The following ACOXL variants were observed in gnomAD, a reference collection of about 807,000 sequenced individuals.
ACOXL encodes acyl-coenzyme A oxidase-like protein.
Under a neutral mutation model 71.9 loss-of-function variants are expected in ACOXL, and 70 were observed. The ratio of observed to expected loss-of-function variants is 0.97; its 90% CI spans 0.80 to 1.19. ACOXL has a LOEUF of 1.19. Ranked by LOEUF, ACOXL falls within the 50% of genes most tolerant of loss-of-function variation. The pLI is 0.00. For synonymous variants in ACOXL, 253 were observed against 281.6 expected (o/e 0.90, Z 1.02); for missense variants, 703 against 736.3 (o/e 0.95, Z 0.52).
intron 12 of ACOXL, among the ~76,000 whole-genome samples, chr2:110,980,768 C>G: frequency 6.6e-6 from 1 of 152,206 alleles, no homozygotes; most frequent in Non-Finnish European, 1.5e-5. Context: ...TACACCCTGG[C>G]CGCCCAGGCT....
chr2:110,957,138 A>T (rs2061531062), intron 12 of ACOXL, among the ~76,000 whole-genome samples: 1 of 151,398 alleles, frequency 6.6e-6, no homozygotes, highest in African/African-American at 2.4e-5. Flanking sequence ...TTTTCGGATG[A>T]ATCTGTTTTT....
chr2:110,773,712 T>C (rs1486795586), intron 2 of ACOXL, among the ~76,000 whole-genome samples: 2 of 152,212 alleles, frequency 1.3e-5, no homozygotes, highest in Non-Finnish European at 2.9e-5. Context: ...TGGCTCTTAG[T>C]CCTATATACT....
In ACOXL at chr2:110,868,876, C is replaced by A. The variant is rs75024163; in HGVS notation, c.788+27471C>A. Among the ~76,000 whole-genome samples, 17 of 152,324 alleles carry A rather than the reference C, an allele frequency of 1.1e-4. No homozygotes were observed. In the East Asian group the frequency reaches 3.3e-3, roughly 29 times the overall value. The stretch of plus-strand genomic sequence containing the variant: ...AATGTGTTGGGATTGCAGGCGTGAG[C>A]CACTGCTTCCAGCCTGGAGTTTCTT... On this transcript the variant is annotated intron_variant, in intron 10 of 17. Transcript: ENST00000439055.
At chr2:111,076,124 G>GT (rs1378191931) in intron 16 of ACOXL, among the ~76,000 whole-genome samples, 1 of 152,046 alleles carries the variant, frequency 6.6e-6, no homozygotes, top group East Asian at 1.9e-4. Context: ...TATCCTTGCT[G>GT]ATCTTCTGTC....
At chr2:110,986,979 T>G in intron 12 of ACOXL, 129 bp from the exon 13 acceptor site, 6 of 734,044 alleles carry the variant, frequency 8.2e-6, no homozygotes, top group Non-Finnish European at 1.4e-5. Flanking sequence ...CTTGTAAGAA[T>G]GAGGTCTTGT....
intron 10 of ACOXL, among the ~76,000 whole-genome samples, chr2:110,870,355 A>T (rs1390255402): frequency 4.2e-5 from 6 of 142,710 alleles, no homozygotes; most frequent in African/African-American, 1.0e-4. Context: ...TTTTTTTTTT[A>T]AAGAAGTAAA....
At chr2:111,108,341 G>T (rs565467214) in intron 17 of ACOXL, among the ~76,000 whole-genome samples, 1 of 131,982 alleles carries the variant, frequency 7.6e-6, no homozygotes, top group South Asian at 2.5e-4. Context: ...AAAAATAGAG[G>T]TCTATTTATA....
chr2:111,035,956 C>T (rs113382270), intron 15 of ACOXL, among the ~76,000 whole-genome samples: 9 of 152,174 alleles, frequency 5.9e-5, no homozygotes, highest in South Asian at 2.1e-4. Flanking sequence ...ATATCCCTAC[C>T]GCCTCCTCAA....
intron 6 of ACOXL, 110 bp from the exon 7 acceptor site, chr2:110,798,904 C>T (rs766245429): frequency 4.4e-5 from 55 of 1,250,578 alleles, no homozygotes; most frequent in Non-Finnish European, 5.6e-5. Flanking sequence ...GCTTGGTGCA[C>T]AGTTGTAGAA....
At chr2:110,996,181 G>C (rs1383805953) in intron 14 of ACOXL, among the ~76,000 whole-genome samples, 177 bp downstream of exon 14, 1 of 152,154 alleles carries the variant, frequency 6.6e-6, no homozygotes, top group African/African-American at 2.4e-5. Context: ...TAGAGGCCAG[G>C]ATGCTTCTGT....
At chr2:110,811,353 T>G (rs950551206) in intron 9 of ACOXL, among the ~76,000 whole-genome samples, 3 of 151,884 alleles carry the variant, frequency 2.0e-5, no homozygotes, top group Non-Finnish European at 2.9e-5. Context: ...ATGGGGTTGG[T>G]GGGAACGGAA....
chr2:110,968,711 G>C, intron 12 of ACOXL: 1 of 1,071,596 alleles, frequency 9.3e-7, no homozygotes, highest in Non-Finnish European at 1.3e-6. Context: ...GGAGCGGGCT[G>C]CTGAGAGCTA....
intron 5 of ACOXL, among the ~76,000 whole-genome samples, chr2:110,795,324 C>T (rs1175777911): frequency 6.6e-6 from 1 of 152,122 alleles, no homozygotes; most frequent in Non-Finnish European, 1.5e-5. Context: ...TGTTAGTTCT[C>T]TCCAGCAGCA....
At chr2:111,115,679 G>A (rs181450083) in intron 17 of ACOXL, 77 of 152,284 alleles carry the variant, frequency 5.1e-4, no homozygotes, top group African/African-American at 1.8e-3. Context: ...ATCATTCTGA[G>A]GTTTCTGTTG....
chr2:110,774,691 G>A (rs778618623), intron 2 of ACOXL, among the ~76,000 whole-genome samples: 101 of 152,128 alleles, frequency 6.6e-4, no homozygotes, highest in Non-Finnish European at 1.2e-3. Context: ...ACATTGAAAG[G>A]CATCCTATGT....
Position 110,788,030 on chromosome 2 carries a change from G to A in ACOXL, c.159+3215G>A, listed in dbSNP as rs143756418. ...CCTACATTCTTGGTACATAATAGGT[G>A]TCAATACTTGAGTATTAAATAAATA... On this transcript the variant is annotated intron_variant, in intron 3 of 17. Transcript: ENST00000439055. 6.6e-5 allele frequency among the ~76,000 whole-genome samples: 10 copies of A among 152,284 alleles called. No homozygotes were observed. The East Asian group carries it at 1.7e-3, about 26-fold the overall frequency.
chr2:110,876,917 A>G (rs1313963881), intron 10 of ACOXL, among the ~76,000 whole-genome samples: 3 of 152,176 alleles, frequency 2.0e-5, no homozygotes, highest in African/African-American at 7.2e-5. Context: ...AGATAAATCA[A>G]TAAAATATGA....
At chr2:110,806,818 A>G (rs916365388) in intron 9 of ACOXL, among the ~76,000 whole-genome samples, 1 of 152,132 alleles carries the variant, frequency 6.6e-6, no homozygotes, top group African/African-American at 2.4e-5. Context: ...TGTGTGAAGG[A>G]CGTCCATGCC....
intron 12 of ACOXL, among the ~76,000 whole-genome samples, chr2:110,937,179 C>T (rs567451433): frequency 1.8e-4 from 27 of 152,168 alleles, no homozygotes; most frequent in Non-Finnish European, 3.2e-4. Flanking sequence ...TCAGGGAGGG[C>T]GATAAAAGCT....
Sources: allele counts gnomAD v4.1 joint callset (sites outside exome capture counted in the v4.1 genomes callset), GRCh38; gene constraint gnomAD v4.1.1; transcripts MANE v1.5; gene names NCBI Gene and HGNC (gene_info 2026-07-23, HGNC 2026-07-21).